ASXL2: variants seen among roughly 807,000 people sequenced by gnomAD.
The protein encoded by ASXL2 is putative Polycomb group protein ASXL2.
ASXL2 carries 23 observed loss-of-function variants against 122.0 expected under a neutral mutation model. The ratio of observed to expected loss-of-function variants is 0.19; its 90% CI spans 0.14 to 0.27. The LOEUF (loss-of-function observed/expected upper bound fraction) is 0.27, where lower values mean the gene tolerates loss of function less well. Ranked by LOEUF, ASXL2 falls within the 10% of genes least tolerant of loss-of-function variation. The probability of loss-of-function intolerance (pLI) is 1.00; values close to 1 mark genes in which losing one functional copy is unlikely to be tolerated. For missense variants in ASXL2, 1,518 were observed against 1,713.8 expected (o/e 0.89, Z 2.02); for synonymous variants, 650 against 637.0 (o/e 1.02, Z -0.31).
In ASXL2 at chr2:25,740,188, A is replaced by G. The variant is rs1574387343; in HGVS notation, c.*1841T>C. On this transcript the variant is annotated 3_prime_UTR_variant, in exon 13 of 13. Transcript: ENST00000435504. ...TGGCCTTGGGCCACAAAAAAGCCAG[A>G]AGTGAAAAGTGAAAAACAGTGAAGT... 4.5e-6 allele frequency: 1 copy of G among 221,262 alleles called. No homozygotes were observed. Among genetic ancestry groups the G allele is most frequent in the East Asian group, 6.6e-5 (1 of 15,056 alleles). The allele number at this position is 221,262 out of a possible 1,614,324, so 13.7% of individuals were successfully genotyped here.
intron 3 of ASXL2, among the ~76,000 whole-genome samples, chr2:25,826,897 T>C (rs1481085038): frequency 6.7e-6 from 1 of 150,330 alleles, no homozygotes; most frequent in Non-Finnish European, 1.5e-5. Flanking sequence ...GCTGGCTCAA[T>C]CATACTGCAG....
At position 25,847,989 on chromosome 2, in the gene ASXL2, C is replaced by A. The variant is rs115566334; in HGVS notation, c.58-2426G>T. Among the ~76,000 whole-genome samples, 578 of 152,270 alleles carry A rather than the reference C, an allele frequency of 3.8e-3. 6 individuals carry two copies. Among genetic ancestry groups the A allele is most frequent in the Non-Finnish European group, 3.6e-3 (243 of 68,010 alleles). ...ACTTTACTAGCAATCAAATGTAATACATTTTAATGTGGGTTTTTTCCTGCC... is the reference window on the plus strand; with the variant it reads ...ACTTTACTAGCAATCAAATGTAATAAATTTTAATGTGGGTTTTTTCCTGCC... On this transcript the variant is annotated intron_variant, in intron 1 of 12. Transcript: ENST00000435504.
intron 4 of ASXL2, among the ~76,000 whole-genome samples, chr2:25,800,052 A>G (rs1408281933): frequency 6.6e-6 from 1 of 151,534 alleles, no homozygotes; most frequent in Non-Finnish European, 1.5e-5. Flanking sequence ...AGTCACAGCT[A>G]CTTGGGAGGC....
intron 1 of ASXL2, among the ~76,000 whole-genome samples, chr2:25,865,691 C>T (rs555782190): frequency 8.2e-5 from 11 of 134,368 alleles, no homozygotes; most frequent in East Asian, 2.3e-4. Context: ...AGGAGAATGG[C>T]GTGAACCCAG....
At chr2:25,856,727 G>C in intron 1 of ASXL2, 4 of 1,298,340 alleles carry the variant, frequency 3.1e-6, no homozygotes, top group Non-Finnish European at 4.4e-6. Flanking sequence ...TCACCGAGCC[G>C]ATCTGGTTGA....
chr2:25,797,873 C>T (rs2088933849), intron 5 of ASXL2, among the ~76,000 whole-genome samples: 1 of 152,204 alleles, frequency 6.6e-6, no homozygotes, highest in Non-Finnish European at 1.5e-5. Flanking sequence ...ATCCAGCAAT[C>T]ACACTCCTTA....
chr2:25,825,425 C>T (rs2089364838), intron 3 of ASXL2, among the ~76,000 whole-genome samples: 1 of 152,200 alleles, frequency 6.6e-6, no homozygotes, highest in South Asian at 2.1e-4. Flanking sequence ...GGAAACTCTA[C>T]ACCCACTAAA....
At chr2:25,753,729 T>C (rs1036403043) in intron 10 of ASXL2, 90 bp from the exon 11 acceptor site, 1 of 973,150 alleles carries the variant, frequency 1.0e-6, no homozygotes, top group South Asian at 1.4e-5. Flanking sequence ...CACGCAGGAA[T>C]TGGAATACTA....
At chr2:25,872,425 A>T (rs910103028) in intron 1 of ASXL2, among the ~76,000 whole-genome samples, 3 of 152,104 alleles carry the variant, frequency 2.0e-5, no homozygotes, top group African/African-American at 7.2e-5. Flanking sequence ...TCCCAACTCA[A>T]ATAGCTAGAA....
chr2:25,842,817 T>TTTTG (rs1433214323), intron 2 of ASXL2, among the ~76,000 whole-genome samples: 5 of 151,086 alleles, frequency 3.3e-5, no homozygotes, highest in East Asian at 2.0e-4. Context: ...TATATGTTTT[T>TTTTG]TTTGTTTGTT....
chr2:25,851,984 A>G (rs2089721007), intron 1 of ASXL2, among the ~76,000 whole-genome samples: 1 of 152,316 alleles, frequency 6.6e-6, no homozygotes, highest in Non-Finnish European at 1.5e-5. Flanking sequence ...GAATGAGGGA[A>G]AAAAACCCTT....
At chr2:25,877,576 C>A (rs2090019819) in intron 1 of ASXL2, among the ~76,000 whole-genome samples, 1 of 152,128 alleles carries the variant, frequency 6.6e-6, no homozygotes, top group Non-Finnish European at 1.5e-5. Context: ...TCTACAAGTC[C>A]CACCTGTTAC....
At chr2:25,856,384 T>TTTTTTTTTTTA in intron 1 of ASXL2, 1 of 503,006 alleles carries the variant, frequency 2.0e-6, no homozygotes, top group Non-Finnish European at 3.7e-6. Flanking sequence ...TTTTTTTTTT[T>TTTTTTTTTTTA]GACACCAGTG....
intron 1 of ASXL2, among the ~76,000 whole-genome samples, chr2:25,858,210 CA>C (rs1360272062): frequency 1.3e-5 from 2 of 152,150 alleles, no homozygotes; most frequent in African/African-American, 4.8e-5. Flanking sequence ...CTTACAGATA[CA>C]AACAACTGAT....
At chr2:25,757,674 CAAAAAAAAAAAAAAAAA>C (rs60732948) in intron 9 of ASXL2, among the ~76,000 whole-genome samples, 1 of 35,818 alleles carries the variant, frequency 2.8e-5, no homozygotes, top group East Asian at 8.9e-4. Context: ...GACTCCATCT[CAAAAAAAAAAAAAAAAA>C]AAAAAAAAAA....
intron 3 of ASXL2, among the ~76,000 whole-genome samples, chr2:25,806,738 T>C (rs1005529010): frequency 2.0e-5 from 3 of 152,214 alleles, no homozygotes; most frequent in African/African-American, 7.2e-5. Context: ...TGCACCAGAC[T>C]GAATCTTAAT....
chr2:25,818,421 G>A (rs1385093650), intron 3 of ASXL2, among the ~76,000 whole-genome samples: 1 of 152,192 alleles, frequency 6.6e-6, no homozygotes, highest in Non-Finnish European at 1.5e-5. Flanking sequence ...TGAGGCAGGA[G>A]AACTGCTTGA....
chr2:25,805,720 G>A (rs763155225), intron 4 of ASXL2, among the ~76,000 whole-genome samples: 2 of 152,008 alleles, frequency 1.3e-5, no homozygotes, highest in Non-Finnish European at 2.9e-5. Flanking sequence ...CTGTCGCCCA[G>A]GCTGGAGTGC....
intron 5 of ASXL2, among the ~76,000 whole-genome samples, chr2:25,788,865 T>C (rs965243097): frequency 6.6e-6 from 1 of 152,178 alleles, no homozygotes; most frequent in African/African-American, 2.4e-5. Context: ...TGGCTTGCCT[T>C]TTCACTCTCT....
Sources: allele counts gnomAD v4.1 joint callset (sites outside exome capture counted in the v4.1 genomes callset), GRCh38; gene constraint gnomAD v4.1.1; transcripts MANE v1.5; gene names NCBI Gene and HGNC (gene_info 2026-07-23, HGNC 2026-07-21).